MACROH2A2: variants seen among roughly 807,000 people sequenced by gnomAD.
MACROH2A2 encodes macroH2A.2 histone, also known as core histone macro-H2A.2.
Under a neutral mutation model 37.6 loss-of-function variants are expected in MACROH2A2, and 6 were observed. That is an observed-to-expected ratio of 0.16 (90% CI 0.09 to 0.32). The LOEUF is 0.32. MACROH2A2 is among the 10% of genes least tolerant of loss of function. The probability of loss-of-function intolerance (pLI) is 1.00; values close to 1 mark genes in which losing one functional copy is unlikely to be tolerated. For synonymous variants in MACROH2A2, 192 were observed against 202.7 expected, an observed-to-expected ratio of 0.95 and a Z score of 0.45; for missense variants, 290 against 485.9, an observed-to-expected ratio of 0.60 and a Z score of 3.79.
chr10:70,070,103 G>A lies in MACROH2A2; in HGVS notation c.-59-5497G>A, dbSNP rs561269575. Among the ~76,000 whole-genome samples the A allele has an allele frequency of 3.3e-5, 5 of 152,222 alleles. No individual in the cohort carries two copies. In the East Asian group the frequency reaches 5.8e-4, roughly 18 times the overall value. ...GGATGTGCTCTAATTCTTACTGTCC[G>A]TGTCCAGGGACCTCACAGCCCTGAG... is the stretch of plus-strand genomic sequence containing the variant. On this transcript the variant is annotated intron_variant, in intron 1 of 8. Transcript: ENST00000373255.
At chr10:70,086,734 TG>T (rs2072214136) in intron 2 of MACROH2A2, among the ~76,000 whole-genome samples, 1 of 152,170 alleles carries the variant, frequency 6.6e-6, no homozygotes, top group South Asian at 2.1e-4. Flanking sequence ...AGCTTAAAAT[TG>T]GGAGGCTCAT....
At chr10:70,081,068 CAAAAAAAAA>C (rs34688764) in intron 2 of MACROH2A2, among the ~76,000 whole-genome samples, 5 of 45,832 alleles carry the variant, frequency 1.1e-4, no homozygotes, top group African/African-American at 3.5e-4. Flanking sequence ...CCCTGTCTCT[CAAAAAAAAA>C]AAAAAAAAAA....
intron 7 of MACROH2A2, among the ~76,000 whole-genome samples, chr10:70,106,827 T>G (rs1326088570): frequency 2.7e-5 from 4 of 150,814 alleles, no homozygotes; most frequent in Non-Finnish European, 4.4e-5. Flanking sequence ...AAAAAAGACT[T>G]TACATTAGAG....
At chr10:70,104,052 C>T (rs1212634298) in intron 7 of MACROH2A2, among the ~76,000 whole-genome samples, 1 of 152,100 alleles carries the variant, frequency 6.6e-6, no homozygotes, top group Non-Finnish European at 1.5e-5. Flanking sequence ...GACATTGGTG[C>T]AAATATGTTA....
intron 6 of MACROH2A2, among the ~76,000 whole-genome samples, chr10:70,095,957 T>C (rs988467151): frequency 2.0e-5 from 3 of 152,150 alleles, no homozygotes; most frequent in African/African-American, 7.2e-5. Context: ...TTTATTGGGG[T>C]ATTGTGTAAA....
chr10:70,085,425 A>C (rs951033912), intron 2 of MACROH2A2, among the ~76,000 whole-genome samples: 1 of 152,174 alleles, frequency 6.6e-6, no homozygotes, highest in African/African-American at 2.4e-5. Context: ...GCACAGACAG[A>C]ACCCCAGGGA....
chr10:70,102,400 G>A (rs753224067), intron 7 of MACROH2A2, among the ~76,000 whole-genome samples: 3 of 152,128 alleles, frequency 2.0e-5, no homozygotes, highest in Non-Finnish European at 2.9e-5. Context: ...TTAAGCAGGG[G>A]GCTGTCCAGA....
At chr10:70,093,616 A>T in intron 4 of MACROH2A2, 119 bp from the exon 5 acceptor site, 1 of 625,514 alleles carries the variant, frequency 1.6e-6, no homozygotes, top group Admixed American at 2.8e-5. Context: ...AGCAGAACAC[A>T]TCACCTAACC....
At chr10:70,064,658 G>A (rs1361733948) in intron 1 of MACROH2A2, among the ~76,000 whole-genome samples, 1 of 152,178 alleles carries the variant, frequency 6.6e-6, no homozygotes, top group Non-Finnish European at 1.5e-5. Flanking sequence ...AGTCTCACGA[G>A]ATCTGATGGG....
In MACROH2A2 at chr10:70,075,578, C is replaced by T. The variant is rs2072134635; in HGVS notation, c.-59-22C>T. The T allele has an allele frequency of 7.1e-7, 1 of 1,403,078 alleles. No individual in the cohort carries two copies. Among genetic ancestry groups the T allele is most frequent in the South Asian group, 1.2e-5 (1 of 80,540 alleles). 86.9% of individuals were successfully genotyped at this position (1,403,078 alleles called of 1,614,324 possible). A position where few individuals can be genotyped will look rare whatever the true frequency, so the allele number is the denominator to read the frequency against. On this transcript the variant is annotated intron_variant, in intron 1 of 8. Coordinates refer to ENST00000373255, the MANE Select transcript of MACROH2A2 (RefSeq NM_018649.3). This position sits in a 1 kb window ranked among gnomAD's most constrained non-coding sequence, Gnocchi z 5.0. ...ATGTTTGCCAACTACCCTTCCTCAA[C>T]TCTGTCTTCTTTCCTTTTTAGCATT...
At chr10:70,079,281 A>T (rs990698505) in intron 2 of MACROH2A2, among the ~76,000 whole-genome samples, 1 of 151,614 alleles carries the variant, frequency 6.6e-6, no homozygotes, top group Non-Finnish European at 1.5e-5. Flanking sequence ...TTTTCTGTGC[A>T]TCAGGATTCT....
chr10:70,091,732 T>C (rs2072246084), intron 3 of MACROH2A2, 25 bp from the exon 4 acceptor site: 1 of 1,541,604 alleles, frequency 6.5e-7, no homozygotes, highest in African/African-American at 1.4e-5. Context: ...GTTTGCTACA[T>C]GAGCGCATGC....
chr10:70,095,203 C>T (rs1195406046), intron 5 of MACROH2A2, among the ~76,000 whole-genome samples: 1 of 152,054 alleles, frequency 6.6e-6, no homozygotes, highest in Non-Finnish European at 1.5e-5. Flanking sequence ...TCCGTCTCTA[C>T]TAAAAATACA....
At chr10:70,110,904 T>G (rs902587560) in intron 8 of MACROH2A2, among the ~76,000 whole-genome samples, 2 of 151,304 alleles carry the variant, frequency 1.3e-5, no homozygotes, top group Non-Finnish European at 2.9e-5. Context: ...AAAAACTAAT[T>G]TAAAAAAAGT....
intron 7 of MACROH2A2, among the ~76,000 whole-genome samples, chr10:70,103,190 T>C (rs1440436307): frequency 1.3e-5 from 2 of 152,016 alleles, no homozygotes; most frequent in African/African-American, 4.8e-5. Flanking sequence ...ACCGACTCAA[T>C]GTTTGGCTCT....
At chr10:70,091,012 G>A (rs2072241699) in intron 3 of MACROH2A2, among the ~76,000 whole-genome samples, 1 of 152,238 alleles carries the variant, frequency 6.6e-6, no homozygotes, top group Non-Finnish European at 1.5e-5. Context: ...TTGATTGGGA[G>A]GAGCATGGCC....
At chr10:70,084,340 T>C (rs377185911) in intron 2 of MACROH2A2, among the ~76,000 whole-genome samples, 11 of 152,358 alleles carry the variant, frequency 7.2e-5, no homozygotes, top group African/African-American at 2.6e-4. Context: ...GTATTTATTA[T>C]GAGAATTTCC....
At chr10:70,092,086 T>G in intron 4 of MACROH2A2, 132 bp downstream of exon 4, 4 of 714,106 alleles carry the variant, frequency 5.6e-6, no homozygotes, top group Middle Eastern at 8.0e-4. Flanking sequence ...CTTTGAGAGA[T>G]AACTAGATCA....
chr10:70,095,097 G>A (rs10823482), intron 5 of MACROH2A2, among the ~76,000 whole-genome samples: 4,459 of 152,264 alleles, frequency 0.029, 271 homozygotes, highest in East Asian at 0.21. Flanking sequence ...GGCCAGGCGC[G>A]GTGGCTCACG....
Sources: allele counts gnomAD v4.1 joint callset (sites outside exome capture counted in the v4.1 genomes callset), GRCh38; gene constraint gnomAD v4.1.1; non-coding constraint Gnocchi (gnomAD v3.1); transcripts MANE v1.5; gene names NCBI Gene and HGNC (gene_info 2026-07-23, HGNC 2026-07-21).